COG6: variants seen among roughly 807,000 people sequenced by gnomAD.
COG6 encodes component of oligomeric golgi complex 6.
In COG6, 74 loss-of-function variants were observed where a neutral mutation model predicts 88.8. The observed-to-expected ratio is 0.83, with a 90% CI of 0.69 to 1.01. The LOEUF (loss-of-function observed/expected upper bound fraction) is 1.01. Ranked by LOEUF, COG6 falls within the 50% of genes least tolerant of loss-of-function variation. The probability of loss-of-function intolerance (pLI) is 0.00; values close to 1 mark genes in which losing one functional copy is unlikely to be tolerated. For synonymous variants in COG6, 286 were observed against 278.7 expected (o/e 1.03, Z -0.26); for missense variants, 800 against 797.9 (o/e 1.00, Z -0.03).
rs1454336838 is a variant in COG6, at chr13:39,719,605, C to G, written c.1417-55C>G. ...AGTTTGGCATTAAATATCATTAACC[C>G]AAGACCCTATCAGTGATTGAGAAAT... On this transcript the variant is annotated intron_variant, in intron 14 of 18. Coordinates refer to ENST00000455146, the MANE Select transcript of COG6 (RefSeq NM_020751.3). 5 of 1,512,268 alleles carry G rather than the reference C, an allele frequency of 3.3e-6. No homozygotes were observed. The African/African-American group carries it at 6.9e-5, about 21-fold the overall frequency. 93.7% of individuals were successfully genotyped at this position (1,512,268 alleles called of 1,614,324 possible). A position where few individuals can be genotyped will look rare whatever the true frequency, so the allele number is the denominator to read the frequency against.
chr13:39,709,006 G>A (rs755604631), intron 13 of COG6, among the ~76,000 whole-genome samples: 3 of 152,082 alleles, frequency 2.0e-5, no homozygotes, highest in Non-Finnish European at 4.4e-5. Context: ...CATTAGAAAG[G>A]CAATATATGG....
At chr13:39,715,217 T>C (rs1031500233) in intron 13 of COG6, among the ~76,000 whole-genome samples, 2 of 151,738 alleles carry the variant, frequency 1.3e-5, no homozygotes, top group Non-Finnish European at 2.9e-5. Flanking sequence ...TAAAAAAAAA[T>C]TTTTAAAGAT....
intron 18 of COG6, among the ~76,000 whole-genome samples, chr13:39,735,792 G>A (rs1302434333): frequency 6.7e-6 from 1 of 149,858 alleles, no homozygotes; most frequent in Non-Finnish European, 1.5e-5. Flanking sequence ...GGTATTCTAG[G>A]ATAAAAGTTT....
chr13:39,716,043 T>C (rs573226292), intron 13 of COG6, among the ~76,000 whole-genome samples: 1 of 152,086 alleles, frequency 6.6e-6, no homozygotes, highest in East Asian at 1.9e-4. Flanking sequence ...TTCACATTTA[T>C]TTGAATCTAA....
chr13:39,662,400 T>A (rs765782276), intron 3 of COG6, among the ~76,000 whole-genome samples: 3 of 152,152 alleles, frequency 2.0e-5, no homozygotes, highest in African/African-American at 7.2e-5. Flanking sequence ...GTGCTGGGAT[T>A]ACAGACATGA....
At chr13:39,729,888 A>T (rs1349660779) in intron 18 of COG6, among the ~76,000 whole-genome samples, 4 of 152,148 alleles carry the variant, frequency 2.6e-5, no homozygotes, top group African/African-American at 4.8e-5. Context: ...GTAATAGTTT[A>T]AAAAAACTGT....
At chr13:39,690,440 G>C (rs1260140298) in intron 11 of COG6, among the ~76,000 whole-genome samples, 2 of 151,966 alleles carry the variant, frequency 1.3e-5, no homozygotes, top group East Asian at 1.9e-4. Context: ...GGATGACTGT[G>C]TAGATGAAGT....
intron 18 of COG6, among the ~76,000 whole-genome samples, chr13:39,768,751 AATAT>A (rs1402858831): frequency 6.6e-6 from 1 of 151,876 alleles, no homozygotes; most frequent in African/African-American, 2.4e-5. Flanking sequence ...TATATATCAT[AATAT>A]ATATAATATG....
In COG6 at chr13:39,773,718, G is replaced by T. The variant is rs185880789; in HGVS notation, c.1827-14617G>T. ...AGGTTAATTATTTTTTATTACTTAA[G>T]TTCTATCCACCTCACAATCAGCTAC... On this transcript the variant is annotated intron_variant, in intron 18 of 18. Transcript: ENST00000416691. Among the ~76,000 whole-genome samples the T allele has an allele frequency of 1.0e-3, 153 of 152,208 alleles. 2 individuals carry two copies. The highest frequency in any genetic ancestry group is 8.3e-4 in the South Asian group (4 of 4,816).
In COG6 at chr13:39,751,360, G is replaced by A; in HGVS notation, c.*267G>A. On this transcript the variant is annotated 3_prime_UTR_variant, in exon 19 of 19. Coordinates refer to ENST00000455146, the MANE Select transcript of COG6 (RefSeq NM_020751.3). ...TCTCTCCAGCTCTGCAGTTTTCACT[G>A]TATTCAGGAAGCATAAAGTAGTATG... is the stretch of plus-strand genomic sequence containing the variant. 7.0e-7 allele frequency: 1 copy of A among 1,420,146 alleles called. No individual in the cohort carries two copies. Among genetic ancestry groups the A allele is most frequent in the Admixed American group, 2.1e-5 (1 of 47,608 alleles). 88.0% of individuals were successfully genotyped at this position (1,420,146 alleles called of 1,614,324 possible).
chr13:39,711,461 C>T (rs971182126), intron 13 of COG6, among the ~76,000 whole-genome samples: 6 of 152,160 alleles, frequency 3.9e-5, no homozygotes, highest in African/African-American at 1.2e-4. Flanking sequence ...TGGTTATAAG[C>T]GTGACCTTTG....
At chr13:39,656,090 T>A in intron 1 of COG6, 1 of 705,778 alleles carries the variant, frequency 1.4e-6, no homozygotes, top group Non-Finnish European at 2.6e-6. Flanking sequence ...CGAAGGGGTT[T>A]CCTGGGTGTT....
chr13:39,772,657 GCT>G, intron 18 of COG6, among the ~76,000 whole-genome samples: 1 of 152,216 alleles, frequency 6.6e-6, no homozygotes. Flanking sequence ...TGGCCTAGGG[GCT>G]CTTCTCAGAC....
In COG6 at chr13:39,726,710, G is replaced by C. The variant is rs971160882; in HGVS notation, c.1747-759G>C. On this transcript the variant is annotated intron_variant, in intron 17 of 18. Coordinates refer to ENST00000455146, the MANE Select transcript of COG6 (RefSeq NM_020751.3). ...TGAAATAATTAAAATCCTTAAATAAGCATGCCAGTCCTACATGATCTCTAC... is the reference window on the plus strand; with the variant it reads ...TGAAATAATTAAAATCCTTAAATAACCATGCCAGTCCTACATGATCTCTAC... Among the ~76,000 whole-genome samples, 4 of 151,900 alleles carry C rather than the reference G, an allele frequency of 2.6e-5. No homozygotes were observed. The South Asian group carries it at 8.3e-4, about 32-fold the overall frequency.
exon 19 of COG6, chr13:39,790,806 C>T (rs1230291301): frequency 1.3e-5 from 2 of 151,876 alleles, no homozygotes; most frequent in Non-Finnish European, 2.9e-5. Flanking sequence ...AGGCTTATTT[C>T]TAGATACTTT....
chr13:39,783,505 CTGTT>C (rs546793319), intron 18 of COG6, among the ~76,000 whole-genome samples: 20 of 152,112 alleles, frequency 1.3e-4, no homozygotes, highest in South Asian at 4.2e-4. Context: ...ATTGTTCTCT[CTGTT>C]TGATGTTAAA....
chr13:39,694,641 T>C lies in COG6; in HGVS notation c.1082T>C (p.Ile361Thr), dbSNP rs770383849. Residue 361 changes from isoleucine to threonine, a missense_variant, in exon 12 of 19, where the codon ATT becomes ACT. Coordinates refer to ENST00000455146, the MANE Select transcript of COG6 (RefSeq NM_020751.3). ...EGVCRPLKVR[I>T]EQVIVAEPGA... Reference sequence around the variant, plus strand: ...TCTCACATATTTTAATAGGTTCGAATTGAGCAAGTAATAGTTGCTGAACCT... The same window carrying C: ...TCTCACATATTTTAATAGGTTCGAACTGAGCAAGTAATAGTTGCTGAACCT... 10 of 1,588,740 alleles carry C rather than the reference T, an allele frequency of 6.3e-6. No homozygotes were observed. The highest frequency in any genetic ancestry group is 1.7e-4 in the Middle Eastern group (1 of 5,732).
chr13:39,785,899 A>G (rs188576923), intron 18 of COG6, among the ~76,000 whole-genome samples: 5 of 152,276 alleles, frequency 3.3e-5, no homozygotes, highest in Admixed American at 2.6e-4. Flanking sequence ...CACTTTGCTC[A>G]GCTTTGGGGA....
At chr13:39,695,758 A>G (rs1251555736) in intron 12 of COG6, among the ~76,000 whole-genome samples, 1 of 151,924 alleles carries the variant, frequency 6.6e-6, no homozygotes, top group African/African-American at 2.4e-5. Context: ...GATCAGAGAT[A>G]GGATTTGGAT....
Sources: allele counts gnomAD v4.1 joint callset (sites outside exome capture counted in the v4.1 genomes callset), GRCh38; gene constraint gnomAD v4.1.1; transcripts MANE v1.5; gene names NCBI Gene and HGNC (gene_info 2026-07-23, HGNC 2026-07-21).